MTUS1: variants seen among roughly 807,000 people sequenced by gnomAD.
MTUS1 encodes the protein microtubule associated scaffold protein 1.
MTUS1 carries 109 observed loss-of-function variants against 120.8 expected under a neutral mutation model. The observed-to-expected ratio is 0.90, with a 90% CI of 0.77 to 1.06. MTUS1 has a LOEUF of 1.06. MTUS1 is among the 50% of genes least tolerant of loss of function. The pLI is 0.00. For missense variants in MTUS1, 2,210 were observed against 1,486.3 expected (o/e 1.49, Z -8.01); for synonymous variants, 737 against 550.5 (o/e 1.34, Z -4.74).
intron 1 of MTUS1, among the ~76,000 whole-genome samples, chr8:17,779,905 GT>G (rs1217537319): frequency 6.6e-6 from 1 of 152,136 alleles, no homozygotes; most frequent in Non-Finnish European, 1.5e-5. Context: ...AAAGCTCCAG[GT>G]TTGAATTCTC....
intron 1 of MTUS1, among the ~76,000 whole-genome samples, chr8:17,777,339 T>G (rs146913485): frequency 0.012 from 1,811 of 151,560 alleles, 42 homozygotes; most frequent in African/African-American, 0.042. Context: ...ACTTGGAGGC[T>G]GAGGCAAGAG....
chr8:17,723,427 A>G, intron 4 of MTUS1: 4 of 533,862 alleles, frequency 7.5e-6, no homozygotes, highest in Non-Finnish European at 1.4e-5. Context: ...CCTCCAAAAC[A>G]CCATCACTTC....
At chr8:17,695,578 C>T (rs1817781396) in intron 6 of MTUS1, among the ~76,000 whole-genome samples, 1 of 152,206 alleles carries the variant, frequency 6.6e-6, no homozygotes, top group Non-Finnish European at 1.5e-5. Context: ...GTGTCGTTTG[C>T]TTACGCTGTC....
At chr8:17,721,582 T>G (rs1585948781) in intron 4 of MTUS1, 1 of 1,118,884 alleles carries the variant, frequency 8.9e-7, no homozygotes, top group East Asian at 2.6e-5. Flanking sequence ...ACATACAAAA[T>G]GCCCCCAAAT....
intron 3 of MTUS1, among the ~76,000 whole-genome samples, chr8:17,738,773 C>T (rs1156917983): frequency 6.6e-6 from 1 of 152,082 alleles, no homozygotes; most frequent in Non-Finnish European, 1.5e-5. Context: ...AGCTTTAAAC[C>T]AAGGCCTGAA....
rs563211346 is a variant in MTUS1, at chr8:17,755,020, T to A, written c.788A>T (p.Gln263Leu). 2.5e-6 allele frequency: 4 copies of A among 1,614,022 alleles called. No individual in the cohort carries two copies. In the African/African-American group the frequency reaches 5.3e-5, roughly 22 times the overall value. Residue 263 changes from glutamine to leucine, a missense_variant, in exon 2 of 15, where the codon CAG becomes CTG. Gln to Leu is a moderately radical substitution (Grantham distance 113). Coordinates refer to ENST00000693296, the MANE Select transcript of MTUS1 (RefSeq NM_001363059.2). Reference protein sequence around the residue: ...SEVFVSDIGNQCACSSGKVTS... With the variant: ...SEVFVSDIGNLCACSSGKVTS... ...GACCTTTCCTGAAGAACATGCACAC[T>A]GATTTCCAATATCTGAAACAAAAAC...
intron 6 of MTUS1, among the ~76,000 whole-genome samples, chr8:17,696,079 T>C (rs921742248): frequency 6.6e-6 from 1 of 152,154 alleles, no homozygotes; most frequent in South Asian, 2.1e-4. Context: ...CCTTTGTTAT[T>C]TTTCCCCCCT....
intron 8 of MTUS1, among the ~76,000 whole-genome samples, chr8:17,673,795 C>T (rs6586623): frequency 0.15 from 22,715 of 152,060 alleles, 2,144 homozygotes; most frequent in African/African-American, 0.27. Context: ...CGTTTGATTT[C>T]TGCTGTGGTG....
chr8:17,737,418 T>C (rs1347052045), intron 3 of MTUS1, among the ~76,000 whole-genome samples: 1 of 152,258 alleles, frequency 6.6e-6, no homozygotes, highest in Non-Finnish European at 1.5e-5. Context: ...GAGATCCTGA[T>C]ACACACTTTA....
At chr8:17,682,289 G>T (rs1280416356) in intron 7 of MTUS1, among the ~76,000 whole-genome samples, 2 of 152,104 alleles carry the variant, frequency 1.3e-5, no homozygotes, top group African/African-American at 4.8e-5. Flanking sequence ...GCCGAGGTGA[G>T]CGGATCACCT....
At chr8:17,705,086 G>T (rs184117686) in intron 6 of MTUS1, among the ~76,000 whole-genome samples, 1 of 152,190 alleles carries the variant, frequency 6.6e-6, no homozygotes, top group African/African-American at 2.4e-5. Context: ...TGGGTTCAAC[G>T]ATTCTTCTGC....
intron 3 of MTUS1, among the ~76,000 whole-genome samples, chr8:17,739,670 T>C (rs536874741): frequency 2.6e-5 from 4 of 152,292 alleles, no homozygotes; most frequent in African/African-American, 4.8e-5. Context: ...CTGTGGAAGA[T>C]TCCTTGTCTA....
chr8:17,691,151 G>A (rs892209962), intron 6 of MTUS1, among the ~76,000 whole-genome samples: 6 of 152,080 alleles, frequency 3.9e-5, no homozygotes, highest in Non-Finnish European at 7.3e-5. Flanking sequence ...ACTCTAAACC[G>A]TAATTTATTA....
intron 3 of MTUS1, among the ~76,000 whole-genome samples, chr8:17,741,055 G>C (rs1163853456): frequency 2.6e-5 from 4 of 151,808 alleles, no homozygotes; most frequent in African/African-American, 9.7e-5. Context: ...ATTTTTAGTA[G>C]AGAAGGGGTT....
chr8:17,699,757 T>C (rs1027556766), intron 6 of MTUS1, among the ~76,000 whole-genome samples: 2 of 152,356 alleles, frequency 1.3e-5, no homozygotes, highest in Admixed American at 1.3e-4. Context: ...GCAGCACAAG[T>C]GCACCAAAGC....
chr8:17,659,660 C>T (rs1266641153), intron 8 of MTUS1, among the ~76,000 whole-genome samples: 3 of 152,018 alleles, frequency 2.0e-5, no homozygotes, highest in Admixed American at 6.6e-5. Flanking sequence ...ATCGCACTAC[C>T]GCACTCCAGC....
chr8:17,729,710 T>C (rs1204604856), intron 3 of MTUS1, among the ~76,000 whole-genome samples: 1 of 152,154 alleles, frequency 6.6e-6, no homozygotes, highest in African/African-American at 2.4e-5. Context: ...AACGCAGGAA[T>C]TGAATTTTTA....
At chr8:17,720,517 A>G (rs2045753727) in intron 4 of MTUS1, among the ~76,000 whole-genome samples, 2 of 152,134 alleles carry the variant, frequency 1.3e-5, no homozygotes, top group African/African-American at 4.8e-5. Context: ...GGAGAATGCA[A>G]ATAGCTTTGG....
intron 6 of MTUS1, among the ~76,000 whole-genome samples, chr8:17,688,804 A>G (rs1292265647): frequency 1.3e-5 from 2 of 152,204 alleles, no homozygotes; most frequent in Non-Finnish European, 2.9e-5. Context: ...ATAATTTAGG[A>G]GACATATATT....
Sources: gnomAD v4.1 joint callset for allele counts (sites outside exome capture counted in the v4.1 genomes callset) on GRCh38, gnomAD v4.1.1 for gene constraint, MANE v1.5 for transcripts, NCBI Gene and HGNC (gene_info 2026-07-23, HGNC 2026-07-21) for gene names.